The following PTPRT variants were observed in gnomAD, a reference collection of about 807,000 sequenced individuals.
The protein encoded by PTPRT is receptor-type tyrosine-protein phosphatase T.
In PTPRT, 56 loss-of-function variants were observed where a neutral mutation model predicts 176.8. The observed-to-expected ratio is 0.32, with a 90% CI of 0.26 to 0.40. The LOEUF (loss-of-function observed/expected upper bound fraction) is 0.40, where lower values mean the gene tolerates loss of function less well. PTPRT is among the 10% of genes least tolerant of loss of function. PTPRT has a pLI of 1.00. For synonymous variants in PTPRT, 783 were observed against 739.0 expected (o/e 1.06, Z -0.96); for missense variants, 1,540 against 1,908.2 (o/e 0.81, Z 3.60).
chr20:42,179,841 A>G (rs1174325747), intron 16 of PTPRT, among the ~76,000 whole-genome samples: 1 of 152,202 alleles, frequency 6.6e-6, no homozygotes, highest in Non-Finnish European at 1.5e-5. Context: ...TGATGATAGT[A>G]TGGGTGACTA....
intron 1 of PTPRT, among the ~76,000 whole-genome samples, chr20:43,162,639 T>G (rs2014730183): frequency 6.6e-6 from 1 of 150,398 alleles, no homozygotes; most frequent in African/African-American, 2.4e-5. Context: ...GGTCCATCAC[T>G]CTGGAGGCAG....
chr20:42,708,006 G>A (rs930492387), intron 6 of PTPRT, among the ~76,000 whole-genome samples: 1 of 152,040 alleles, frequency 6.6e-6, no homozygotes, highest in Non-Finnish European at 1.5e-5. Context: ...AACCAATACA[G>A]GTAGGTACAT....
chr20:42,314,201 G>A (rs2057679552), intron 12 of PTPRT, among the ~76,000 whole-genome samples: 2 of 152,240 alleles, frequency 1.3e-5, no homozygotes, highest in South Asian at 2.1e-4. Context: ...GAACTGTAGG[G>A]CTTAGCATTT....
intron 1 of PTPRT, among the ~76,000 whole-genome samples, chr20:42,889,560 C>T (rs558247091): frequency 1.3e-5 from 2 of 152,326 alleles, no homozygotes; most frequent in African/African-American, 2.4e-5. Flanking sequence ...CTCTGGGGAC[C>T]TTAATGTCCC....
chr20:42,866,176 T>C (rs1169218013), intron 2 of PTPRT, among the ~76,000 whole-genome samples: 1 of 152,228 alleles, frequency 6.6e-6, no homozygotes, highest in Non-Finnish European at 1.5e-5. Flanking sequence ...ACCCAAGGTC[T>C]GGTAAGCATC....
chr20:42,422,620 C>T (rs1160623813), intron 9 of PTPRT, among the ~76,000 whole-genome samples: 2 of 152,186 alleles, frequency 1.3e-5, no homozygotes, highest in Admixed American at 6.5e-5. Flanking sequence ...TTAATTCAGC[C>T]ATTGTGGAAG....
intron 1 of PTPRT, among the ~76,000 whole-genome samples, chr20:43,132,683 T>C (rs1449624416): frequency 1.3e-5 from 2 of 152,134 alleles, no homozygotes; most frequent in African/African-American, 2.4e-5. Context: ...AACATAATGC[T>C]GTAATGCAGG....
chr20:43,042,979 G>A (rs767969381), intron 1 of PTPRT, among the ~76,000 whole-genome samples: 3 of 151,894 alleles, frequency 2.0e-5, no homozygotes, highest in Non-Finnish European at 4.4e-5. Flanking sequence ...GTATCCTATT[G>A]CCCGGTGTAC....
intron 2 of PTPRT, among the ~76,000 whole-genome samples, chr20:42,829,048 AT>A (rs1366619910): frequency 6.6e-6 from 1 of 152,164 alleles, no homozygotes; most frequent in African/African-American, 2.4e-5. Flanking sequence ...ACACAAGCCC[AT>A]GAAAGCATCC....
chr20:42,501,970 G>C (rs1601140749), intron 7 of PTPRT, among the ~76,000 whole-genome samples: 2 of 152,148 alleles, frequency 1.3e-5, no homozygotes. Context: ...TATGCAAAAA[G>C]AAAGAAAGAA....
At chr20:42,190,482 C>T (rs1408609367) in intron 16 of PTPRT, among the ~76,000 whole-genome samples, 1 of 152,210 alleles carries the variant, frequency 6.6e-6, no homozygotes, top group Non-Finnish European at 1.5e-5. Context: ...GAGCCTTCCT[C>T]TCCCAGAGAG....
intron 7 of PTPRT, among the ~76,000 whole-genome samples, chr20:42,512,643 T>C (rs2071979092): frequency 6.6e-6 from 1 of 152,162 alleles, no homozygotes; most frequent in Non-Finnish European, 1.5e-5. Flanking sequence ...AACCAGTATT[T>C]GGGTTGCTGG....
chr20:42,271,799 G>C (rs888803634), intron 13 of PTPRT, among the ~76,000 whole-genome samples: 6 of 152,188 alleles, frequency 3.9e-5, no homozygotes, highest in Non-Finnish European at 8.8e-5. Flanking sequence ...AGGGACTGCA[G>C]CTTTCTCCAG....
At chr20:42,355,155 G>A (rs2058341378) in intron 9 of PTPRT, among the ~76,000 whole-genome samples, 1 of 152,130 alleles carries the variant, frequency 6.6e-6, no homozygotes, top group Non-Finnish European at 1.5e-5. Context: ...CAGCCCTGAT[G>A]GGAGTTGATG....
At chr20:42,092,779 A>G (rs946484474) in intron 27 of PTPRT, among the ~76,000 whole-genome samples, 2 of 152,204 alleles carry the variant, frequency 1.3e-5, no homozygotes, top group Non-Finnish European at 2.9e-5. Context: ...ACATCTCTGA[A>G]ATAGCACCCT....
intron 1 of PTPRT, among the ~76,000 whole-genome samples, chr20:43,002,299 C>T (rs953610906): frequency 5.3e-5 from 8 of 151,974 alleles, no homozygotes; most frequent in East Asian, 3.9e-4. Flanking sequence ...AGTGTGAAAA[C>T]GAACTAATAC....
intron 8 of PTPRT, among the ~76,000 whole-genome samples, chr20:42,468,548 A>G (rs1196651354): frequency 6.6e-6 from 1 of 152,224 alleles, no homozygotes; most frequent in Non-Finnish European, 1.5e-5. Flanking sequence ...GCAGGAATTG[A>G]TGCTTTATTA....
At chr20:42,646,719 G>A (rs2074908724) in intron 7 of PTPRT, among the ~76,000 whole-genome samples, 1 of 151,724 alleles carries the variant, frequency 6.6e-6, no homozygotes, top group South Asian at 2.1e-4. Flanking sequence ...TGCACTATAG[G>A]CTTCAGCTTC....
chr20:42,845,663 G>A (rs558468995), intron 2 of PTPRT, among the ~76,000 whole-genome samples: 15 of 152,308 alleles, frequency 9.8e-5, no homozygotes, highest in Non-Finnish European at 1.9e-4. Flanking sequence ...AACTCCCTGG[G>A]TATGAGCTGG....
Sources: allele counts gnomAD v4.1 joint callset (sites outside exome capture counted in the v4.1 genomes callset), GRCh38; gene constraint gnomAD v4.1.1; transcripts MANE v1.5; gene names NCBI Gene and HGNC (gene_info 2026-07-23, HGNC 2026-07-21).